ACACA: variants seen among roughly 807,000 people sequenced by gnomAD.
The protein encoded by ACACA is acetyl-CoA carboxylase alpha.
ACACA carries 103 observed loss-of-function variants against 296.1 expected under a neutral mutation model. The ratio of observed to expected loss-of-function variants is 0.35; its 90% CI spans 0.30 to 0.41. The LOEUF (loss-of-function observed/expected upper bound fraction) is 0.41. Among genes scored for constraint, ACACA ranks in the 10% least tolerant of loss-of-function variants. The pLI is 1.00. For missense variants in ACACA, 1,554 were observed against 2,989.7 expected, an observed-to-expected ratio of 0.52 and a Z score of 11.20; for synonymous variants, 953 against 1,038.6, an observed-to-expected ratio of 0.92 and a Z score of 1.58.
chr17:37,091,368 G>A (rs1489854968), intron 54 of ACACA, among the ~76,000 whole-genome samples: 3 of 152,170 alleles, frequency 2.0e-5, no homozygotes, highest in South Asian at 2.1e-4. Context: ...GACAATGACC[G>A]CCAAACCCCA....
intron 54 of ACACA, among the ~76,000 whole-genome samples, chr17:37,094,585 C>G (rs61314170): frequency 5.5e-4 from 68 of 122,646 alleles, no homozygotes; most frequent in African/African-American, 2.0e-3. Context: ...CCCCCCCCCC[C>G]ACACCAAACA....
intron 55 of ACACA, among the ~76,000 whole-genome samples, chr17:37,087,869 TATC>T (rs2072324990): frequency 6.6e-6 from 1 of 152,150 alleles, no homozygotes. Context: ...GTTGGAAAGT[TATC>T]ATTTTGCAAG....
At chr17:37,239,181 T>C (rs77283733) in intron 24 of ACACA, among the ~76,000 whole-genome samples, 4,032 of 152,284 alleles carry the variant, frequency 0.026, 77 homozygotes, top group Non-Finnish European at 0.04. Flanking sequence ...ATTGCTCTAC[T>C]GTAAACAAAT....
chr17:37,183,788 T>A (rs2077416124), intron 39 of ACACA, among the ~76,000 whole-genome samples: 3 of 137,548 alleles, frequency 2.2e-5, no homozygotes, highest in East Asian at 4.7e-4. Flanking sequence ...TGAGACTCCA[T>A]CTCAAAAGGA....
At chr17:37,267,561 G>A (rs1387378434) in intron 10 of ACACA, among the ~76,000 whole-genome samples, 2 of 151,966 alleles carry the variant, frequency 1.3e-5, no homozygotes, top group Non-Finnish European at 2.9e-5. Context: ...CTCACCAGTC[G>A]TTAATTATTT....
chr17:37,162,333 C>T (rs758875819), intron 41 of ACACA, among the ~76,000 whole-genome samples: 10 of 152,210 alleles, frequency 6.6e-5, no homozygotes, highest in Non-Finnish European at 1.2e-4. Context: ...ACTCAGGATA[C>T]ATGTGGAAGA....
At chr17:37,291,205 C>T (rs555400969) in intron 3 of ACACA, among the ~76,000 whole-genome samples, 13 of 130,614 alleles carry the variant, frequency 1.0e-4, no homozygotes, top group African/African-American at 3.9e-4. Flanking sequence ...GATGGAGTTT[C>T]GCTCTTGTTG....
intron 35 of ACACA, among the ~76,000 whole-genome samples, chr17:37,196,613 T>C (rs1186199963): frequency 5.3e-5 from 8 of 150,922 alleles, no homozygotes; most frequent in Non-Finnish European, 1.0e-4. Flanking sequence ...GAAAAAAATA[T>C]GGAAAGCTTA....
chr17:37,113,014 A>G lies in ACACA; in HGVS notation c.6452+74T>C. The G allele has an allele frequency of 6.4e-7, 1 of 1,571,740 alleles. No individual in the cohort carries two copies. The highest frequency in any genetic ancestry group is 8.7e-7 in the Non-Finnish European group (1 of 1,145,908). On this transcript the variant is annotated intron_variant, in intron 51 of 55. Transcript: ENST00000616317. This position sits in a 1 kb window ranked among gnomAD's most constrained non-coding sequence, Gnocchi z 4.0. ...GTGGGTGCTGTAGTGCCATGGCTGT[A>G]ACATTCTCCAGGAGGAAACCAACAG... is the stretch of plus-strand genomic sequence containing the variant.
intron 1 of ACACA, among the ~76,000 whole-genome samples, 182 bp downstream of exon 1, chr17:37,406,080 G>A (rs188874122): frequency 6.6e-6 from 1 of 152,178 alleles, no homozygotes; most frequent in East Asian, 1.9e-4. Context: ...AGTTATTTAT[G>A]TCAGTGCCTA....
chr17:37,170,569 C>T (rs1330382476), intron 41 of ACACA, among the ~76,000 whole-genome samples: 1 of 152,126 alleles, frequency 6.6e-6, no homozygotes, highest in African/African-American at 2.4e-5. Flanking sequence ...CCTGAGATGT[C>T]ATTTTCTCGC....
intron 40 of ACACA, 109 bp from the exon 41 acceptor site, chr17:37,179,515 G>A: frequency 1.6e-6 from 2 of 1,236,348 alleles, no homozygotes; most frequent in Non-Finnish European, 2.3e-6. Flanking sequence ...CAAGTGTTCT[G>A]CAGAGTGTAA....
rs113198840 is a variant in ACACA at position 37,201,435 on chromosome 17, A to G, written c.4057-952T>C. On this transcript the variant is annotated intron_variant, in intron 33 of 55. Transcript: ENST00000616317. ...GGTGACAGAATGAGACTGTCTCAAA[A>G]AAAAAAAAAGAAGTCAACAGACACC... is the stretch of plus-strand genomic sequence containing the variant. Among the ~76,000 whole-genome samples the G allele has an allele frequency of 5.4e-3, 821 of 152,214 alleles. 5 individuals carry two copies. Among genetic ancestry groups the G allele is most frequent in the African/African-American group, 0.019 (794 of 41,520 alleles).
intron 1 of ACACA, among the ~76,000 whole-genome samples, chr17:37,344,991 A>C (rs769634235): frequency 5.9e-5 from 9 of 152,182 alleles, no homozygotes; most frequent in Non-Finnish European, 8.8e-5. Context: ...GGCAGGGTAC[A>C]ATACTGAAAA....
intron 3 of ACACA, among the ~76,000 whole-genome samples, chr17:37,289,813 C>T (rs577157743): frequency 2.4e-4 from 36 of 152,308 alleles, no homozygotes; most frequent in African/African-American, 8.7e-4. Context: ...AACTTCACCC[C>T]TTAAGGAGGT....
intron 1 of ACACA, among the ~76,000 whole-genome samples, chr17:37,371,596 T>C (rs1461084845): frequency 5.9e-5 from 9 of 151,854 alleles, no homozygotes; most frequent in Non-Finnish European, 1.0e-4. Context: ...TATGGTATAT[T>C]CCACAATTAA....
At chr17:37,201,234 T>C (rs2078232649) in intron 33 of ACACA, among the ~76,000 whole-genome samples, 5 of 151,624 alleles carry the variant, frequency 3.3e-5, no homozygotes. Context: ...AGGCCGGGAG[T>C]TTGAGACCAG....
Position 37,179,277 on chromosome 17 carries a change from G to T in ACACA, c.5062C>A (p.Leu1688Ile). Residue 1688 changes from leucine to isoleucine, a missense_variant, in exon 41 of 56, where the codon CTT becomes ATT. Physicochemically the swap from Leu to Ile is conservative, Grantham distance 5 (BLOSUM62 2). Transcript: ENST00000616317. Reference protein sequence around the residue: ...DQGQLVHMNRLPGGNEIGMVA... With the variant: ...DQGQLVHMNRIPGGNEIGMVA... ...CTACTTGCCTCATTTCCTCCTGGAA[G>T]CCTGTTCATGTGGACCAGCTGACCT... The T allele has an allele frequency of 6.2e-7, 1 of 1,614,130 alleles. No homozygotes were observed. Among genetic ancestry groups the T allele is most frequent in the Non-Finnish European group, 8.5e-7 (1 of 1,180,012 alleles).
At chr17:37,204,058 T>C (rs2078391543) in intron 33 of ACACA, among the ~76,000 whole-genome samples, 1 of 152,166 alleles carries the variant, frequency 6.6e-6, no homozygotes, top group African/African-American at 2.4e-5. Flanking sequence ...TTACATGATG[T>C]GAATGCCAAT....
Sources: gnomAD v4.1 joint callset for allele counts (sites outside exome capture counted in the v4.1 genomes callset) on GRCh38, gnomAD v4.1.1 for gene constraint, Gnocchi (gnomAD v3.1) non-coding constraint, MANE v1.5 for transcripts, NCBI Gene and HGNC (gene_info 2026-07-23, HGNC 2026-07-21) for gene names.